The following SLC12A7 variants were observed in gnomAD, a reference collection of about 807,000 sequenced individuals.
SLC12A7 encodes the protein solute carrier family 12 member 7, also known as K-Cl cotransporter 4.
In SLC12A7, 100 loss-of-function variants were observed where a neutral mutation model predicts 120.6. The observed-to-expected ratio is 0.83, with a 90% CI of 0.71 to 0.98. The LOEUF (loss-of-function observed/expected upper bound fraction) is 0.98. SLC12A7 is among the 50% of genes least tolerant of loss of function. The pLI is 0.00. For synonymous variants in SLC12A7, 760 were observed against 678.0 expected, an observed-to-expected ratio of 1.12 and a Z score of -1.88; for missense variants, 1,373 against 1,548.1, an observed-to-expected ratio of 0.89 and a Z score of 1.90.
intron 22 of SLC12A7, among the ~76,000 whole-genome samples, chr5:1,055,934 C>A (rs907740983): frequency 6.6e-6 from 1 of 152,194 alleles, no homozygotes; most frequent in Non-Finnish European, 1.5e-5. Context: ...GCCACTCAGC[C>A]AAGGCGTTCC....
chr5:1,147,785 C>T, the SLC12A7 span, among the ~76,000 whole-genome samples: 1 of 152,060 alleles, frequency 6.6e-6, no homozygotes, highest in East Asian at 1.9e-4. Context: ...ACTCTGTCAC[C>T]CAGGCTGAGA....
In SLC12A7 at chr5:1,073,782, G is replaced by A. The variant is rs770534780; in HGVS notation, c.2092C>T (p.Leu698=). ...KNWRPQVLVM[L]NLDAEQAVKH... is the part of the protein sequence containing the mutation. The stretch of plus-strand genomic sequence containing the variant: ...ACGGCCTGCTCCGCGTCCAGGTTCA[G>A]CATCACCAGCACCTGGGGCCTGCAG... Residue 698 remains leucine, a synonymous_variant, in exon 17 of 24, where the codon CTG becomes TTG. Coordinates refer to ENST00000264930, the MANE Select transcript of SLC12A7 (RefSeq NM_006598.3). 2.8e-6 allele frequency: 4 copies of A among 1,453,064 alleles called. No homozygotes were observed. The highest frequency in any genetic ancestry group is 1.5e-5 in the African/African-American group (1 of 68,354). 90.0% of individuals were successfully genotyped at this position (1,453,064 alleles called of 1,614,324 possible).
At position 1,051,975 on chromosome 5, in the gene SLC12A7, G is replaced by A. The variant is rs141133957; in HGVS notation, c.*385C>T. 1.1e-4 allele frequency: 25 copies of A among 233,178 alleles called. No homozygotes were observed. Among genetic ancestry groups the A allele is most frequent in the African/African-American group, 5.0e-4 (22 of 44,000 alleles). The allele number at this position is 233,178 out of a possible 1,614,324, so 14.4% of individuals were successfully genotyped here. ...CAGCTCCGGGTGCTCTTCCAAGAAT[G>A]TTCTGGATGGGGTAGAAATGCAACC... is the stretch of plus-strand genomic sequence containing the variant. On this transcript the variant is annotated 3_prime_UTR_variant, in exon 24 of 24. Coordinates refer to ENST00000264930, the MANE Select transcript of SLC12A7 (RefSeq NM_006598.3).
chr5:1,073,676 C>T lies in SLC12A7; in HGVS notation c.2198G>A (p.Gly733Glu). The change falls in exon 17 of 24, where the codon GGG (glycine) becomes GAG (glutamate). Residue 733 changes from glycine to glutamate, a missense_variant. Transcript: ENST00000264930. ...GLTIVGSVLE[G>E]TYLDKHMEAQ... is the part of the protein sequence containing the mutation. ...CTCCATGTGCTTGTCCAGGTACGTC[C>T]CCTCCAGCACCGAGCCCACGATGGT... 6.2e-7 allele frequency: 1 copy of T among 1,600,228 alleles called. No individual in the cohort carries two copies. The highest frequency in any genetic ancestry group is 8.5e-7 in the Non-Finnish European group (1 of 1,173,884).
At chr5:1,101,988 C>T (rs777736586) in intron 1 of SLC12A7, among the ~76,000 whole-genome samples, 41 of 152,248 alleles carry the variant, frequency 2.7e-4, no homozygotes, top group Non-Finnish European at 4.7e-4. Context: ...AGGCAACCTC[C>T]GGTCTGTTTT....
the SLC12A7 span, among the ~76,000 whole-genome samples, chr5:1,127,223 C>T: frequency 1.3e-5 from 2 of 152,160 alleles, no homozygotes; most frequent in African/African-American, 4.8e-5. Flanking sequence ...CTGTGTTGAC[C>T]AGGATAGTCT....
chr5:1,073,798 G>A lies in SLC12A7; in HGVS notation c.2076C>T (p.Pro692=). Residue 692 remains proline, a synonymous_variant, in exon 17 of 24, where the codon CCC becomes CCT. Coordinates refer to ENST00000264930, the MANE Select transcript of SLC12A7 (RefSeq NM_006598.3). ...HGPPHTKNWR[P]QVLVMLNLDA... is the part of the protein sequence containing the mutation. ...CCAGGTTCAGCATCACCAGCACCTG[G>A]GGCCTGCAGCCAGGGTGGGGCGGCT... The A allele has an allele frequency of 1.4e-6, 2 of 1,416,124 alleles. No homozygotes were observed. Among genetic ancestry groups the A allele is most frequent in the Non-Finnish European group, 1.9e-6 (2 of 1,077,376 alleles). 87.7% of individuals were successfully genotyped at this position (1,416,124 alleles called of 1,614,324 possible). A position where few individuals can be genotyped will look rare whatever the true frequency, so the allele number is the denominator to read the frequency against.
chr5:1,090,145 G>A (rs1579403645), intron 3 of SLC12A7, among the ~76,000 whole-genome samples: 1 of 152,252 alleles, frequency 6.6e-6, no homozygotes, highest in East Asian at 1.9e-4. Flanking sequence ...CAGGGGACCA[G>A]GTGAGGGGCA....
intron 1 of SLC12A7, among the ~76,000 whole-genome samples, chr5:1,097,185 A>G (rs899485635): frequency 1.3e-5 from 2 of 152,204 alleles, no homozygotes; most frequent in African/African-American, 4.8e-5. Flanking sequence ...GTCTGCGTTC[A>G]GCAAGCAACC....
intron 13 of SLC12A7, among the ~76,000 whole-genome samples, chr5:1,076,487 A>G (rs1160717152): frequency 1.4e-5 from 2 of 142,970 alleles, no homozygotes; most frequent in Non-Finnish European, 3.1e-5. Context: ...GTCCAGCCAC[A>G]CTGTCCCTGG....
At chr5:1,057,785 C>A in intron 21 of SLC12A7, 136 bp from the exon 22 acceptor site, 1 of 810,214 alleles carries the variant, frequency 1.2e-6, no homozygotes, top group Non-Finnish European at 1.9e-6. Context: ...GGGACCCAGC[C>A]TGGCGTCCCA....
Position 1,081,584 on chromosome 5 carries a change from G to A in SLC12A7, c.1290C>T (p.Ser430=), listed in dbSNP as rs369393161. 31 of 1,600,106 alleles carry A rather than the reference G, an allele frequency of 1.9e-5. No homozygotes were observed. The highest frequency in any genetic ancestry group is 8.0e-5 in the African/African-American group (6 of 74,740). Reference sequence around the variant, plus strand: ...CTGGAGCAGCGGGCTCACCGGTCACGGAAGGGAAGTAGATGCCAACCAGCA... The same window carrying A: ...CTGGAGCAGCGGGCTCACCGGTCACAGAAGGGAAGTAGATGCCAACCAGCA... ...FTLLVGIYFP[S]VTGIMAGSNR... The change falls in exon 9 of 24, where the codon TCC becomes TCT. Residue 430 remains serine (S), a synonymous_variant. Transcript: ENST00000264930.
chr5:1,095,065 G>GCGGGGCCGGTAGGAGA (rs1740986944), intron 1 of SLC12A7, among the ~76,000 whole-genome samples: 1 of 66,764 alleles, frequency 1.5e-5, no homozygotes, highest in African/African-American at 3.5e-5. Flanking sequence ...CCGGTAGGAG[G>GCGGGGCCGGTAGGAGA]TGGGGCCCGT....
At chr5:1,056,809 C>G (rs1040909794) in intron 22 of SLC12A7, among the ~76,000 whole-genome samples, 1 of 152,152 alleles carries the variant, frequency 6.6e-6, no homozygotes, top group Non-Finnish European at 1.5e-5. Context: ...TCAGAGGCTG[C>G]GTCTGCAGAA....
intron 3 of SLC12A7, among the ~76,000 whole-genome samples, chr5:1,091,307 G>A (rs1386121014): frequency 1.3e-5 from 2 of 152,210 alleles, no homozygotes; most frequent in African/African-American, 4.8e-5. Flanking sequence ...TAGGGTGAGA[G>A]AAGCTGGGGT....
chr5:1,117,177 A>T, the SLC12A7 span, among the ~76,000 whole-genome samples: 3 of 152,176 alleles, frequency 2.0e-5, no homozygotes, highest in East Asian at 5.8e-4. This position sits in a 1 kb window ranked among gnomAD's most constrained non-coding sequence, Gnocchi z 4.5. Context: ...GCCACTGAGC[A>T]GGCTGGGGTG....
the SLC12A7 span, among the ~76,000 whole-genome samples, chr5:1,144,126 C>G: frequency 1.1e-3 from 167 of 152,164 alleles, 1 homozygote; most frequent in African/African-American, 3.9e-3. Flanking sequence ...CTGGACGCAC[C>G]CACCACCCTC....
chr5:1,146,887 A>G, the SLC12A7 span, among the ~76,000 whole-genome samples: 162 of 152,264 alleles, frequency 1.1e-3, no homozygotes, highest in African/African-American at 3.5e-3. The surrounding 1 kb of genome is among the most constrained non-coding windows in gnomAD (Gnocchi z 6.5). Context: ...TGACCAATGT[A>G]TATCTTAAAT....
the SLC12A7 span, among the ~76,000 whole-genome samples, chr5:1,132,086 T>C: frequency 1.2e-4 from 18 of 152,256 alleles, no homozygotes; most frequent in East Asian, 3.5e-3. Flanking sequence ...TAAAACAAGT[T>C]GTGGTCAGGA....
Sources: gnomAD v4.1 joint callset for allele counts (sites outside exome capture counted in the v4.1 genomes callset) on GRCh38, gnomAD v4.1.1 for gene constraint, Gnocchi (gnomAD v3.1) non-coding constraint, MANE v1.5 for transcripts, NCBI Gene and HGNC (gene_info 2026-07-23, HGNC 2026-07-21) for gene names.